The following SPG7 variants were observed in gnomAD, a reference collection of about 807,000 sequenced individuals.
The protein encoded by SPG7 is SPG7 matrix AAA peptidase subunit, paraplegin, also known as mitochondrial inner membrane m-AAA protease component paraplegin.
SPG7 carries 103 observed loss-of-function variants against 81.9 expected under a neutral mutation model. The ratio of observed to expected loss-of-function variants is 1.26; its 90% CI spans 1.07 to 1.48. The LOEUF is 1.48. Ranked by LOEUF, SPG7 falls within the 40% of genes most tolerant of loss-of-function variation. SPG7 has a pLI of 0.00. For synonymous variants in SPG7, 534 were observed against 444.2 expected (o/e 1.20, Z -2.54); for missense variants, 1,241 against 1,087.3 (o/e 1.14, Z -1.99).
intron 15 of SPG7, 115 bp from the exon 16 acceptor site, chr16:89,554,371 C>T: frequency 1.3e-6 from 1 of 758,482 alleles, no homozygotes; most frequent in Non-Finnish European, 2.3e-6. Context: ...CTGAGGAGTC[C>T]TGTTCCTCCT....
intron 3 of SPG7, among the ~76,000 whole-genome samples, chr16:89,516,395 A>C (rs550169321): frequency 1.3e-5 from 2 of 152,056 alleles, no homozygotes; most frequent in Non-Finnish European, 2.9e-5. Flanking sequence ...TACCAAAAAA[A>C]AAAAAAATTA....
At chr16:89,541,786 T>A (rs1042682774) in intron 9 of SPG7, 2 of 152,178 alleles carry the variant, frequency 1.3e-5, no homozygotes, top group African/African-American at 4.8e-5. Context: ...TCCCAGAAAG[T>A]CCGTATCCTG....
intron 14 of SPG7, 110 bp downstream of exon 14, chr16:89,553,245 AT>A: frequency 9.1e-7 from 1 of 1,100,386 alleles, no homozygotes; most frequent in Non-Finnish European, 1.3e-6. Flanking sequence ...GTAGCTTTGA[AT>A]TTATTAAGTA....
At chr16:89,550,297 C>T (rs957992041) in intron 12 of SPG7, 197 bp from the exon 13 acceptor site, 2 of 554,336 alleles carry the variant, frequency 3.6e-6, no homozygotes, top group Non-Finnish European at 6.7e-6. Flanking sequence ...CTCAGCCTCC[C>T]AAGTAGCTGG....
At chr16:89,546,365 G>T (rs1318299360) in intron 10 of SPG7, 1 of 388,256 alleles carries the variant, frequency 2.6e-6, no homozygotes, top group Non-Finnish European at 5.0e-6. Flanking sequence ...CCATCCAACA[G>T]TGTTCTGTTC....
chr16:89,529,580 G>GT lies in SPG7; in HGVS notation c.861+2dup, dbSNP rs771256761. 46 of 1,600,220 alleles carry GT rather than the reference G, an allele frequency of 2.9e-5. No individual in the cohort carries two copies. Among genetic ancestry groups the GT allele is most frequent in the Non-Finnish European group, 3.7e-5 (43 of 1,167,688 alleles). ...AAGGGAAGGTGGATTCAGTGCTTTT[G>GT]TAAGTTCTGTAAATCAGAGCTCTCT... On this transcript the variant is annotated splice_donor_variant, in intron 6 of 16. Transcript: ENST00000645818. LOFTEE classifies it high-confidence loss of function.
intron 10 of SPG7, chr16:89,546,304 A>C (rs1198054453): frequency 3.0e-6 from 1 of 336,498 alleles, no homozygotes; most frequent in Admixed American, 4.2e-5. Flanking sequence ...CAGACTGCCC[A>C]CTTCAGCCTC....
chr16:89,529,698 C>A (rs3803676), intron 6 of SPG7, 119 bp downstream of exon 6: 1 of 774,764 alleles, frequency 1.3e-6, no homozygotes, highest in Admixed American at 2.0e-5. Flanking sequence ...TAGCCTGAAG[C>A]CACAATTAGA....
chr16:89,521,816 A>G (rs2058191043), intron 3 of SPG7: 1 of 152,292 alleles, frequency 6.6e-6, no homozygotes, highest in Non-Finnish European at 1.5e-5. Flanking sequence ...CACTGTTGAT[A>G]CAGTCACAGA....
intron 3 of SPG7, chr16:89,522,953 C>G (rs1055967901): frequency 6.5e-6 from 1 of 152,788 alleles, no homozygotes; most frequent in African/African-American, 2.4e-5. Context: ...AGTGAGCGCC[C>G]GCTGCTCCAG....
intron 3 of SPG7, among the ~76,000 whole-genome samples, chr16:89,514,982 G>A (rs1028031553): frequency 8.3e-5 from 12 of 144,852 alleles, no homozygotes; most frequent in African/African-American, 3.1e-4. Context: ...TGTCGCCTGG[G>A]CTGGAGTGCA....
At position 89,557,286 on chromosome 16, in the gene SPG7, G is replaced by C. The variant is rs955654421; in HGVS notation, c.*193G>C. ...TTTCTCTGCAGAAACTACTGACGGAGTCCTGTGTTTGTGAGTCGTTTCCCC... is the reference window on the plus strand; with the variant it reads ...TTTCTCTGCAGAAACTACTGACGGACTCCTGTGTTTGTGAGTCGTTTCCCC... On this transcript the variant is annotated 3_prime_UTR_variant, in exon 17 of 17. Transcript: ENST00000645818. 3 of 597,034 alleles carry C rather than the reference G, an allele frequency of 5.0e-6. No individual in the cohort carries two copies. Among genetic ancestry groups the C allele is most frequent in the Admixed American group, 5.8e-5 (2 of 34,610 alleles). The allele number at this position is 597,034 out of a possible 1,614,324, so 37.0% of individuals were successfully genotyped here. A position where few individuals can be genotyped will look rare whatever the true frequency, so the allele number is the denominator to read the frequency against.
At chr16:89,530,561 C>G in intron 6 of SPG7, 122 bp from the exon 7 acceptor site, 1 of 1,109,086 alleles carries the variant, frequency 9.0e-7, no homozygotes, top group Non-Finnish European at 1.4e-6. Flanking sequence ...TGAGTGAAGC[C>G]TTGGGATCCT....
At chr16:89,531,490 C>CG (rs1352906701) in intron 7 of SPG7, 1 of 235,164 alleles carries the variant, frequency 4.3e-6, no homozygotes, top group Non-Finnish European at 8.6e-6. Flanking sequence ...TCTCCTGCCT[C>CG]AGCCTCCCGA....
chr16:89,508,739 T>G (rs1186202695), intron 1 of SPG7, 139 bp downstream of exon 1: 4 of 954,980 alleles, frequency 4.2e-6, no homozygotes, highest in Non-Finnish European at 1.6e-6. Context: ...CCCCCAGCTG[T>G]GGACCTCGGC....
chr16:89,516,378 C>G (rs2058096355), intron 3 of SPG7, among the ~76,000 whole-genome samples: 1 of 150,682 alleles, frequency 6.6e-6, no homozygotes, highest in East Asian at 2.0e-4. Flanking sequence ...CCCTTGTCTA[C>G]TAAAAATACC....
At chr16:89,545,505 C>G (rs1050219673) in intron 10 of SPG7, 1 of 188,466 alleles carries the variant, frequency 5.3e-6, no homozygotes, top group Non-Finnish European at 1.1e-5. Flanking sequence ...GCCCTTCCCG[C>G]TGGGACACGG....
chr16:89,553,272 G>C, intron 14 of SPG7, 137 bp downstream of exon 14: 1 of 993,516 alleles, frequency 1.0e-6, no homozygotes. Context: ...TAAAAGATAA[G>C]TTGTGGTCAT....
intron 1 of SPG7, chr16:89,509,033 C>A (rs2057974862): frequency 2.2e-6 from 1 of 448,368 alleles, no homozygotes; most frequent in African/African-American, 2.0e-5. Context: ...TTTCTGTGTC[C>A]GCAAAATACC....
Sources: allele counts gnomAD v4.1 joint callset (sites outside exome capture counted in the v4.1 genomes callset), GRCh38; gene constraint gnomAD v4.1.1; transcripts MANE v1.5; gene names NCBI Gene and HGNC (gene_info 2026-07-23, HGNC 2026-07-21).